TOM1L2: variants seen among roughly 807,000 people sequenced by gnomAD.
TOM1L2 encodes TOM1-like protein 2.
Under a neutral mutation model 67.9 loss-of-function variants are expected in TOM1L2, and 31 were observed. That is an observed-to-expected ratio of 0.46 (90% CI 0.34 to 0.62). The LOEUF is 0.62. Ranked by LOEUF, TOM1L2 falls within the 20% of genes least tolerant of loss-of-function variation. TOM1L2 has a pLI of 0.01. For synonymous variants in TOM1L2, 256 were observed against 254.0 expected, an observed-to-expected ratio of 1.01 and a Z score of -0.07; for missense variants, 606 against 663.5, an observed-to-expected ratio of 0.91 and a Z score of 0.95.
intron 10 of TOM1L2, among the ~76,000 whole-genome samples, chr17:17,864,856 G>C (rs528316549): frequency 2.0e-5 from 3 of 152,322 alleles, no homozygotes; most frequent in African/African-American, 7.2e-5. Context: ...TGAAGGCAGA[G>C]ACATCTGTTC....
intron 1 of TOM1L2, among the ~76,000 whole-genome samples, chr17:17,918,680 T>C (rs1156944539): frequency 6.6e-6 from 1 of 152,212 alleles, no homozygotes; most frequent in Non-Finnish European, 1.5e-5. Context: ...AGAACCTTCT[T>C]TGCTGCCGCC....
Position 17,843,985 on chromosome 17 carries a change from T to G in TOM1L2, c.*3650A>C, listed in dbSNP as rs1484171359. On this transcript the variant is annotated 3_prime_UTR_variant, in exon 15 of 15. Transcript: ENST00000379504. The stretch of plus-strand genomic sequence containing the variant: ...TTCAGGGGCTGACAGACAATGTCTC[T>G]GGGGTGGAAACACTTCTCTCTGGGT... 6.6e-6 allele frequency: 1 copy of G among 152,292 alleles called. No individual in the cohort carries two copies. The highest frequency in any genetic ancestry group is 6.5e-5 in the Admixed American group (1 of 15,276). 9.4% of individuals were successfully genotyped at this position (152,292 alleles called of 1,614,324 possible).
At chr17:17,894,934 AACATACATACATACAT>A (rs200969782) in intron 3 of TOM1L2, among the ~76,000 whole-genome samples, 17 of 143,704 alleles carry the variant, frequency 1.2e-4, no homozygotes, top group African/African-American at 3.3e-4. Context: ...CTGTCTCAAA[AACATACATACATACAT>A]ACATACATAC....
rs776079260 is a variant in TOM1L2, at chr17:17,879,581, G to A, written c.777+46C>T. On this transcript the variant is annotated intron_variant, in intron 7 of 14. Transcript: ENST00000379504. Reference sequence around the variant, plus strand: ...GTGGGATCCTCCAACAGTGTACGGTGGAAGAGCTGCCACCACAGGCCAAGT... The same window carrying A: ...GTGGGATCCTCCAACAGTGTACGGTAGAAGAGCTGCCACCACAGGCCAAGT... 1.0e-5 allele frequency: 15 copies of A among 1,493,836 alleles called. No homozygotes were observed. In the African/African-American group the frequency reaches 1.8e-4, roughly 18 times the overall value. The allele number at this position is 1,493,836 out of a possible 1,614,324, so 92.5% of individuals were successfully genotyped here.
At chr17:17,862,456 G>A in intron 11 of TOM1L2, 2 of 326,960 alleles carry the variant, frequency 6.1e-6, no homozygotes, top group Non-Finnish European at 1.1e-5. Flanking sequence ...GGGGAGAAAA[G>A]AGAAAAGCTG....
rs183134710 is a variant in TOM1L2, at chr17:17,901,643, A to C, written c.138-2969T>G. Among the ~76,000 whole-genome samples, 386 of 152,288 alleles carry C rather than the reference A, an allele frequency of 2.5e-3. 4 individuals are homozygous for C. The highest frequency in any genetic ancestry group is 8.9e-3 in the African/African-American group (368 of 41,564). ...CTGCCCCTCTTCTGTCACCCTGAAC[A>C]TGCCCTCCCCATTATTATCTTGCTC... On this transcript the variant is annotated intron_variant, in intron 2 of 14. Coordinates refer to ENST00000379504, the MANE Select transcript of TOM1L2 (RefSeq NM_001082968.2).
intron 1 of TOM1L2, among the ~76,000 whole-genome samples, chr17:17,957,311 C>T (rs1257371881): frequency 6.6e-6 from 1 of 152,168 alleles, no homozygotes; most frequent in Non-Finnish European, 1.5e-5. Flanking sequence ...GTAGAGAAAA[C>T]AATGCATATG....
intron 13 of TOM1L2, 65 bp downstream of exon 13, chr17:17,850,828 C>A (rs1305392677): frequency 6.4e-7 from 1 of 1,570,394 alleles, no homozygotes. Context: ...TCCCCCAAGG[C>A]CTGTCCTCAG....
At chr17:17,938,771 T>G (rs569732619) in intron 1 of TOM1L2, among the ~76,000 whole-genome samples, 12 of 151,794 alleles carry the variant, frequency 7.9e-5, no homozygotes, top group Middle Eastern at 3.4e-3. Context: ...AAAGGGTTTT[T>G]TTTTTTTTTT....
At chr17:17,916,526 T>C (rs997011574) in intron 1 of TOM1L2, among the ~76,000 whole-genome samples, 1 of 152,222 alleles carries the variant, frequency 6.6e-6, no homozygotes, top group Non-Finnish European at 1.5e-5. Flanking sequence ...TTGAAAAGAC[T>C]GTCCTTTCCC....
intron 1 of TOM1L2, among the ~76,000 whole-genome samples, chr17:17,931,833 C>T (rs1288353198): frequency 1.3e-5 from 2 of 152,214 alleles, no homozygotes; most frequent in Non-Finnish European, 2.9e-5. Context: ...CTATTTCACA[C>T]AATAAAGATC....
intron 1 of TOM1L2, among the ~76,000 whole-genome samples, chr17:17,958,191 C>A (rs2041541959): frequency 6.6e-6 from 1 of 152,092 alleles, no homozygotes; most frequent in Non-Finnish European, 1.5e-5. Flanking sequence ...CTCTGTTCTT[C>A]AAAACAAACG....
At chr17:17,942,834 A>G (rs914710471) in intron 1 of TOM1L2, among the ~76,000 whole-genome samples, 1 of 152,246 alleles carries the variant, frequency 6.6e-6, no homozygotes, top group Non-Finnish European at 1.5e-5. Context: ...TTTAGTCGCG[A>G]CAGCCCTGGG....
intron 1 of TOM1L2, among the ~76,000 whole-genome samples, chr17:17,971,008 G>A (rs1442724198): frequency 6.6e-6 from 1 of 152,130 alleles, no homozygotes; most frequent in African/African-American, 2.4e-5. Flanking sequence ...GTCCCATATG[G>A]TGGCCATTTC....
Position 17,847,521 on chromosome 17 carries a change from G to A in TOM1L2, c.*114C>T. 7.2e-7 allele frequency: 1 copy of A among 1,387,684 alleles called. No individual in the cohort carries two copies. Among genetic ancestry groups the A allele is most frequent in the Non-Finnish European group, 9.6e-7 (1 of 1,036,308 alleles). 86.0% of individuals were successfully genotyped at this position (1,387,684 alleles called of 1,614,324 possible). ...GGAGCAGACACGGTGGCATTTCCAT[G>A]GAAACACAGGTGTGCAGGCCGTGTG... On this transcript the variant is annotated 3_prime_UTR_variant, in exon 15 of 15. Transcript: ENST00000379504.
At chr17:17,847,924 G>C (rs555975537) in intron 14 of TOM1L2, 141 bp from the exon 15 acceptor site, 4 of 1,043,756 alleles carry the variant, frequency 3.8e-6, no homozygotes, top group Non-Finnish European at 2.9e-6. Context: ...GGAGGGGTTC[G>C]TGAGCTGCAG....
At chr17:17,892,359 G>T (rs2038332217) in intron 4 of TOM1L2, among the ~76,000 whole-genome samples, 1 of 152,168 alleles carries the variant, frequency 6.6e-6, no homozygotes, top group Non-Finnish European at 1.5e-5. Context: ...CCCAGCCCTA[G>T]GTTTGTCTCT....
chr17:17,946,951 C>G (rs1302808009), intron 1 of TOM1L2, among the ~76,000 whole-genome samples: 1 of 152,212 alleles, frequency 6.6e-6, no homozygotes, highest in Non-Finnish European at 1.5e-5. Flanking sequence ...TCTCGAGCTC[C>G]TGACCTCAAG....
At chr17:17,882,954 AG>A in intron 5 of TOM1L2, 91 bp from the exon 6 acceptor site, 2 of 1,505,658 alleles carry the variant, frequency 1.3e-6, no homozygotes, top group South Asian at 2.4e-5. Flanking sequence ...CACTTCCCCA[AG>A]GCTGCCCACG....
Sources: gnomAD v4.1 joint callset for allele counts (sites outside exome capture counted in the v4.1 genomes callset) on GRCh38, gnomAD v4.1.1 for gene constraint, MANE v1.5 for transcripts, NCBI Gene and HGNC (gene_info 2026-07-23, HGNC 2026-07-21) for gene names.